Variants in ZZEF1 observed in about 807,000 individuals in gnomAD.
ZZEF1 encodes zinc finger ZZ-type and EF-hand domain containing 1.
ZZEF1 carries 157 observed loss-of-function variants against 342.8 expected under a neutral mutation model. That is an observed-to-expected ratio of 0.46 (90% CI 0.40 to 0.52). The LOEUF is 0.52. Ranked by LOEUF, ZZEF1 falls within the 20% of genes least tolerant of loss-of-function variation. ZZEF1 has a pLI of 0.00. For synonymous variants in ZZEF1, 1,505 were observed against 1,429.1 expected (o/e 1.05, Z -1.20); for missense variants, 3,480 against 3,725.6 (o/e 0.93, Z 1.72).
intron 42 of ZZEF1, among the ~76,000 whole-genome samples, chr17:4,026,040 CAGAG>C (rs1215067518): frequency 2.6e-5 from 4 of 151,926 alleles, no homozygotes; most frequent in African/African-American, 4.8e-5. Context: ...CAGGGAGATG[CAGAG>C]AGAGAGGGGT....
Position 4,090,843 on chromosome 17 carries a change from G to A in ZZEF1, c.1914-13C>T, listed in dbSNP as rs370211148. ...TGAGCAACCAATCCTGTAAAGACAAGAGTATTCACAAAACATTTTATTTTG... is the reference window on the plus strand; with the variant it reads ...TGAGCAACCAATCCTGTAAAGACAAAAGTATTCACAAAACATTTTATTTTG... On this transcript the variant is annotated splice_polypyrimidine_tract_variant and intron_variant, in intron 11 of 54. Coordinates refer to ENST00000381638, the MANE Select transcript of ZZEF1 (RefSeq NM_015113.4). 3.1e-6 allele frequency: 5 copies of A among 1,597,788 alleles called. No individual in the cohort carries two copies. In the African/African-American group the frequency reaches 5.4e-5, roughly 17 times the overall value.
At chr17:4,020,637 G>T (rs1195264670) in intron 45 of ZZEF1, among the ~76,000 whole-genome samples, 1 of 152,190 alleles carries the variant, frequency 6.6e-6, no homozygotes, top group Non-Finnish European at 1.5e-5. Context: ...GTGCCTGGCT[G>T]GGATTTGCTT....
chr17:4,116,859 T>C, intron 3 of ZZEF1, 113 bp downstream of exon 3: 1 of 1,127,050 alleles, frequency 8.9e-7, no homozygotes, highest in Non-Finnish European at 1.3e-6. Context: ...TACAAACTCA[T>C]GACTCTGTAT....
rs901253908 is a variant in ZZEF1, at chr17:4,008,771, C to T, written c.8805+112G>A. 9.5e-6 allele frequency: 14 copies of T among 1,468,564 alleles called. No homozygotes were observed. Among genetic ancestry groups the T allele is most frequent in the Non-Finnish European group, 1.3e-5 (14 of 1,106,878 alleles). The allele number at this position is 1,468,564 out of a possible 1,614,324, so 91.0% of individuals were successfully genotyped here. On this transcript the variant is annotated intron_variant, in intron 54 of 54. Coordinates refer to ENST00000381638, the MANE Select transcript of ZZEF1 (RefSeq NM_015113.4). The surrounding 1 kb of genome is among the most constrained non-coding windows in gnomAD (Gnocchi z 4.2). The stretch of plus-strand genomic sequence containing the variant: ...ACTGGAACAAGCTCTGTGTAAGCTC[C>T]GGGTGGATTCTGTCCTACTCAGACG...
Position 4,123,990 on chromosome 17 carries a change from G to A in ZZEF1, c.416C>T (p.Ala139Val). The A allele has an allele frequency of 6.2e-7, 1 of 1,613,858 alleles. No individual in the cohort carries two copies. Among genetic ancestry groups the A allele is most frequent in the Non-Finnish European group, 8.5e-7 (1 of 1,179,940 alleles). ...GTVDAENMLE[A>V]LKNSSGANLQ... Reference sequence around the variant, plus strand: ...ATTAGCTCCACTGGAATTCTTGAGGGCCTCCAACATGTTCTCGGCATCAAC... The same window carrying A: ...ATTAGCTCCACTGGAATTCTTGAGGACCTCCAACATGTTCTCGGCATCAAC... The change falls in exon 2 of 55, where the codon GCC (alanine) becomes GTC (valine). Residue 139 changes from alanine (A) to valine (V), a missense_variant. Transcript: ENST00000381638.
intron 42 of ZZEF1, among the ~76,000 whole-genome samples, chr17:4,029,801 G>A (rs896828205): frequency 2.6e-5 from 4 of 151,228 alleles, no homozygotes; most frequent in Non-Finnish European, 5.9e-5. Context: ...TTGAACCCAG[G>A]AGGTGGAGGT....
chr17:4,142,691 A>G lies in ZZEF1; in HGVS notation c.205T>C (p.Cys69Arg). The G allele has an allele frequency of 6.2e-7, 1 of 1,604,700 alleles. No individual in the cohort carries two copies. The change falls in exon 1 of 55, where the codon TGC (cysteine) becomes CGC (arginine). Residue 69 changes from cysteine to arginine, a missense_variant. Cys to Arg is a radical substitution (Grantham distance 180, BLOSUM62 -3). Transcript: ENST00000381638. ...AAAALLPTPP[C>R]ESLVSRHRGA... Reference sequence around the variant, plus strand: ...CGATGCCTCGACACCAGCGACTCGCAGGGGGGTGTGGGCAGCAACGCTGCA... The same window carrying G: ...CGATGCCTCGACACCAGCGACTCGCGGGGGGGTGTGGGCAGCAACGCTGCA...
chr17:4,115,277 T>A (rs2058376589), intron 3 of ZZEF1, among the ~76,000 whole-genome samples: 1 of 152,198 alleles, frequency 6.6e-6, no homozygotes, highest in Non-Finnish European at 1.5e-5. Context: ...TCTTCCCACT[T>A]TGGCCTCCCA....
intron 1 of ZZEF1, among the ~76,000 whole-genome samples, chr17:4,139,873 A>G (rs1435472105): frequency 1.3e-5 from 2 of 152,230 alleles, no homozygotes; most frequent in Non-Finnish European, 2.9e-5. Context: ...ATATATGGCC[A>G]CGGAAAAAGA....
intron 18 of ZZEF1, among the ~76,000 whole-genome samples, chr17:4,081,119 C>T (rs1050962664): frequency 2.0e-5 from 3 of 152,004 alleles, no homozygotes; most frequent in African/African-American, 7.2e-5. Context: ...GTGCCTGTGT[C>T]CCAGCTACTT....
chr17:4,075,006 C>A, intron 23 of ZZEF1, 91 bp downstream of exon 23: 1 of 1,316,160 alleles, frequency 7.6e-7, no homozygotes, highest in Admixed American at 1.9e-5. Context: ...TGCCTCCCTT[C>A]AAAGACCTTA....
In ZZEF1 at chr17:4,029,944, C is replaced by T. The variant is rs1310883277; in HGVS notation, c.6892+2182G>A. On this transcript the variant is annotated intron_variant, in intron 42 of 54. Transcript: ENST00000381638. The stretch of plus-strand genomic sequence containing the variant: ...GGTGTGGTAACTCATGCCTGTTATC[C>T]CAGCACTTTGGGAGGCTAAGGCAGG... 2.0e-5 allele frequency among the ~76,000 whole-genome samples: 3 copies of T among 150,110 alleles called. No individual in the cohort carries two copies. In the East Asian group the frequency reaches 5.8e-4, roughly 29 times the overall value.
In ZZEF1 at chr17:4,064,833, G is replaced by T; in HGVS notation, c.4250-4C>A. On this transcript the variant is annotated splice_region_variant and splice_polypyrimidine_tract_variant and intron_variant, in intron 28 of 54. Transcript: ENST00000381638. ...CTCTTCTCAATGCACTCTTTTGCTA[G>T]ATGCAAACAAGAATCATAATTGAAA... 1 of 1,322,454 alleles carries T rather than the reference G, an allele frequency of 7.6e-7. No individual in the cohort carries two copies. The allele number at this position is 1,322,454 out of a possible 1,614,324, so 81.9% of individuals were successfully genotyped here. A position where few individuals can be genotyped will look rare whatever the true frequency, so the allele number is the denominator to read the frequency against.
intron 33 of ZZEF1, among the ~76,000 whole-genome samples, chr17:4,054,693 T>G (rs2057119263): frequency 6.6e-6 from 1 of 152,156 alleles, no homozygotes; most frequent in Non-Finnish European, 1.5e-5. Flanking sequence ...CAAAGGGCCT[T>G]GCATATCAGT....
Position 4,006,062 on chromosome 17 carries a change from G to C in ZZEF1, c.*828C>G, listed in dbSNP as rs150603758. On this transcript the variant is annotated 3_prime_UTR_variant, in exon 55 of 55. Coordinates refer to ENST00000381638, the MANE Select transcript of ZZEF1 (RefSeq NM_015113.4). Reference sequence around the variant, plus strand: ...TTACTCTTAAAATAAGATATCCTCTGATCATCTTCACGGTACATAAGCTCA... The same window carrying C: ...TTACTCTTAAAATAAGATATCCTCTCATCATCTTCACGGTACATAAGCTCA... 2.0e-5 allele frequency: 3 copies of C among 152,220 alleles called. No homozygotes were observed. Among genetic ancestry groups the C allele is most frequent in the Non-Finnish European group, 4.4e-5 (3 of 68,074 alleles). 9.4% of individuals were successfully genotyped at this position (152,220 alleles called of 1,614,324 possible). A position where few individuals can be genotyped will look rare whatever the true frequency, so the allele number is the denominator to read the frequency against.
intron 33 of ZZEF1, among the ~76,000 whole-genome samples, chr17:4,055,975 G>C (rs1300707550): frequency 6.6e-6 from 1 of 152,182 alleles, no homozygotes; most frequent in African/African-American, 2.4e-5. Flanking sequence ...GTGGGCTCAT[G>C]CTCCCGTGAA....
chr17:4,099,069 C>T (rs79741465), intron 9 of ZZEF1, among the ~76,000 whole-genome samples: 1 of 152,066 alleles, frequency 6.6e-6, no homozygotes, highest in South Asian at 2.1e-4. Flanking sequence ...TTTAAGTCAA[C>T]AGAATCGGAT....
At chr17:4,030,517 A>G (rs931119439) in intron 42 of ZZEF1, among the ~76,000 whole-genome samples, 2 of 152,228 alleles carry the variant, frequency 1.3e-5, no homozygotes, top group African/African-American at 2.4e-5. Flanking sequence ...TGCAATGCCA[A>G]TCAAAATCCC....
At chr17:4,033,023 T>A (rs1327010063) in intron 40 of ZZEF1, 21 bp from the exon 41 acceptor site, 1 of 1,549,554 alleles carries the variant, frequency 6.5e-7, no homozygotes. Context: ...AGAGCTCCAT[T>A]AGGGGCAGTA....
Sources: gnomAD v4.1 joint callset for allele counts (sites outside exome capture counted in the v4.1 genomes callset) on GRCh38, gnomAD v4.1.1 for gene constraint, Gnocchi (gnomAD v3.1) non-coding constraint, MANE v1.5 for transcripts, NCBI Gene and HGNC (gene_info 2026-07-23, HGNC 2026-07-21) for gene names.